The following LYZL2 variants were observed in gnomAD, a reference collection of about 807,000 sequenced individuals.
The protein encoded by LYZL2 is lysozyme like 2, also known as lysozyme-like protein 2.
LYZL2 carries 13 observed loss-of-function variants against 17.1 expected under a neutral mutation model. The ratio of observed to expected loss-of-function variants is 0.76; its 90% CI spans 0.49 to 1.21. The LOEUF (loss-of-function observed/expected upper bound fraction) is 1.21, where lower values mean the gene tolerates loss of function less well. LYZL2 is among the 50% of genes most tolerant of loss of function. The pLI is 0.00. For missense variants in LYZL2, 166 were observed against 189.2 expected, an observed-to-expected ratio of 0.88 and a Z score of 0.72; for synonymous variants, 63 against 74.4, an observed-to-expected ratio of 0.85 and a Z score of 0.79.
chr10:30,611,570 G>GGAAGGAAAGAAAGAAAGAAA (rs1491344870), downstream of LYZL2, among the ~76,000 whole-genome samples: 45 of 54,116 alleles, frequency 8.3e-4, no homozygotes, highest in Non-Finnish European at 1.1e-3. Context: ...AAGGAAGGAA[G>GGAAGGAAAGAAAGAAAGAAA]GAAAGAAAGA....
chr10:30,611,258 A>T (rs369149404), downstream of LYZL2, among the ~76,000 whole-genome samples: 318 of 152,072 alleles, frequency 2.1e-3, 2 homozygotes, highest in African/African-American at 7.2e-3. Context: ...GCGATGGCTC[A>T]CACCTGTAAT....
At chr10:30,614,785 G>A (rs761292631) in intron 3 of LYZL2, among the ~76,000 whole-genome samples, 2 of 152,240 alleles carry the variant, frequency 1.3e-5, no homozygotes, top group African/African-American at 2.4e-5. Context: ...GAGCCTTAAC[G>A]AGGTTTTTAT....
intron 3 of LYZL2, among the ~76,000 whole-genome samples, chr10:30,620,544 AAGACAG>A (rs1838604081): frequency 2.0e-5 from 3 of 152,226 alleles, no homozygotes; most frequent in Non-Finnish European, 2.9e-5. Flanking sequence ...TTAAACTAAG[AAGACAG>A]GACCCGAGGA....
chr10:30,626,882 A>G lies in LYZL2; in HGVS notation c.34T>C (p.Cys12Arg), dbSNP rs200409873. 6.2e-7 allele frequency: 1 copy of G among 1,614,048 alleles called. No individual in the cohort carries two copies. The highest frequency in any genetic ancestry group is 1.3e-5 in the African/African-American group (1 of 74,900). Residue 12 changes from cysteine (C) to arginine (R), a missense_variant, in exon 2 of 5, where the codon TGC becomes CGC. Physicochemically the swap from Cys to Arg is radical, Grantham distance 180 (BLOSUM62 -3). Coordinates refer to ENST00000647634, the MANE Select transcript of LYZL2 (RefSeq NM_183058.3). ...KAAGILTLIG[C>R]LVTGAESKIY... ...TTGGACTCGGCGCCTGTGACCAGGC[A>G]GCCAATGAGGGTCAGAATGCCCGCA...
chr10:30,611,093 G>A (rs1194234622), downstream of LYZL2, among the ~76,000 whole-genome samples: 2 of 151,998 alleles, frequency 1.3e-5, no homozygotes, highest in Admixed American at 1.3e-4. Context: ...TCTTATTTTC[G>A]AATGAGTCTT....
At chr10:30,620,983 G>A (rs185647261) in intron 3 of LYZL2, among the ~76,000 whole-genome samples, 17 of 152,262 alleles carry the variant, frequency 1.1e-4, no homozygotes, top group African/African-American at 3.8e-4. Flanking sequence ...TACAGCATCA[G>A]CGATCGAACA....
At chr10:30,627,886 G>A (rs1006285779) in intron 1 of LYZL2, among the ~76,000 whole-genome samples, 1 of 152,184 alleles carries the variant, frequency 6.6e-6, no homozygotes, top group Non-Finnish European at 1.5e-5. Flanking sequence ...TAGGCCAGGC[G>A]CGGTGGCTCA....
chr10:30,615,559 C>T (rs1838514064), intron 3 of LYZL2, among the ~76,000 whole-genome samples: 1 of 152,144 alleles, frequency 6.6e-6, no homozygotes, highest in African/African-American at 2.4e-5. Context: ...CATACACACA[C>T]TCTGTCACAC....
At position 30,625,636 on chromosome 10, in the gene LYZL2, A is replaced by T. The variant is rs191801692; in HGVS notation, c.298+469T>A. Among the ~76,000 whole-genome samples, 70 of 152,310 alleles carry T rather than the reference A, an allele frequency of 4.6e-4. 1 individual carries two copies. The East Asian group carries it at 6.4e-3, about 14-fold the overall frequency. On this transcript the variant is annotated intron_variant, in intron 3 of 4. Coordinates refer to ENST00000647634, the MANE Select transcript of LYZL2 (RefSeq NM_183058.3). The stretch of plus-strand genomic sequence containing the variant: ...GAGGTCAAGACTGCAATGAGCTATG[A>T]ACGCACCACTACACTCCAGCCTGGG...
rs1838451698 is a variant in LYZL2 at position 30,611,937 on chromosome 10, C to T, written c.*18G>A. 6.2e-7 allele frequency: 1 copy of T among 1,614,064 alleles called. No homozygotes were observed. Among genetic ancestry groups the T allele is most frequent in the African/African-American group, 1.3e-5 (1 of 74,908 alleles). On this transcript the variant is annotated 3_prime_UTR_variant, in exon 5 of 5. Transcript: ENST00000647634. ...ACCCTAGGGCGTTGCTGCAAAGCAT[C>T]CTGGGTCCAGTTCCAGTTTAGGAAA...
Position 30,626,909 on chromosome 10 carries a change from C to G in LYZL2, c.7G>C (p.Ala3Pro), listed in dbSNP as rs545074211. The change falls in exon 2 of 5, where the codon GCT becomes CCT. Residue 3 changes from alanine (A) to proline (P), a missense_variant. Coordinates refer to ENST00000647634, the MANE Select transcript of LYZL2 (RefSeq NM_183058.3). ...CCAATGAGGGTCAGAATGCCCGCAG[C>G]CTTCATCCTCAAAGCCTGCCGGAGA... MK[A>P]AGILTLIGCL... 9 of 1,613,270 alleles carry G rather than the reference C, an allele frequency of 5.6e-6. No homozygotes were observed. The highest frequency in any genetic ancestry group is 4.0e-5 in the African/African-American group (3 of 74,984).
chr10:30,619,891 T>G (rs938292541), intron 3 of LYZL2, among the ~76,000 whole-genome samples: 1 of 151,850 alleles, frequency 6.6e-6, no homozygotes, highest in Non-Finnish European at 1.5e-5. Flanking sequence ...TTTCAAATAC[T>G]AAAAAATGGC....
At chr10:30,608,649 C>T (rs770594639), downstream of LYZL2, among the ~76,000 whole-genome samples, 26 of 152,260 alleles carry the variant, frequency 1.7e-4, 1 homozygote, top group Non-Finnish European at 3.2e-4. Context: ...TTACCCCTTC[C>T]GTATCTCAGG....
intron 3 of LYZL2, among the ~76,000 whole-genome samples, chr10:30,625,424 C>CAT (rs1838686529): frequency 6.6e-6 from 1 of 151,992 alleles, no homozygotes; most frequent in Non-Finnish European, 1.5e-5. Context: ...TCCCTTTTGC[C>CAT]ATGTAAGGTA....
intron 3 of LYZL2, among the ~76,000 whole-genome samples, chr10:30,616,413 G>A (rs142714649): frequency 1.3e-3 from 202 of 152,338 alleles, no homozygotes; most frequent in African/African-American, 4.4e-3. Flanking sequence ...AGCCTGGTGC[G>A]GTGGCTCACG....
At chr10:30,623,577 A>C (rs11008153) in intron 3 of LYZL2, among the ~76,000 whole-genome samples, 22,895 of 152,028 alleles carry the variant, frequency 0.15, 1,918 homozygotes, top group African/African-American at 0.24. Context: ...TATAGGTGTG[A>C]ACTCTACTGT....
At chr10:30,613,038 A>G (rs1263342930) in intron 3 of LYZL2, 138 bp from the exon 4 acceptor site, 10 of 644,658 alleles carry the variant, frequency 1.6e-5, no homozygotes, top group East Asian at 2.7e-5. Flanking sequence ...CAAAGCCACA[A>G]TCTCATTTCT....
chr10:30,622,408 G>T (rs1838637500), intron 3 of LYZL2, among the ~76,000 whole-genome samples: 1 of 152,018 alleles, frequency 6.6e-6, no homozygotes, highest in African/African-American at 2.4e-5. Flanking sequence ...AATTAGCTGG[G>T]CGTGGTGGCA....
downstream of LYZL2, among the ~76,000 whole-genome samples, chr10:30,609,719 T>C (rs1344974942): frequency 2.6e-5 from 4 of 152,176 alleles, no homozygotes; most frequent in East Asian, 7.7e-4. Flanking sequence ...CAAATATCTA[T>C]AAAGGGAACA....
Sources: allele counts gnomAD v4.1 joint callset (sites outside exome capture counted in the v4.1 genomes callset), GRCh38; gene constraint gnomAD v4.1.1; transcripts MANE v1.5; gene names NCBI Gene and HGNC (gene_info 2026-07-23, HGNC 2026-07-21).